Variants in HDAC9 observed in about 807,000 individuals in gnomAD.
HDAC9 encodes the protein MEF-2 interacting transcription repressor (MITR) protein.
In HDAC9, 41 loss-of-function variants were observed where a neutral mutation model predicts 139.4. That is an observed-to-expected ratio of 0.29 (90% CI 0.23 to 0.38). The LOEUF (loss-of-function observed/expected upper bound fraction) is 0.38. Among genes scored for constraint, HDAC9 ranks in the 10% least tolerant of loss-of-function variants. HDAC9 has a pLI of 1.00. For missense variants in HDAC9, 1,147 were observed against 1,297.0 expected (o/e 0.88, Z 1.78); for synonymous variants, 517 against 476.2 (o/e 1.09, Z -1.12).
At chr7:18,758,440 G>A (rs925443400) in intron 14 of HDAC9, among the ~76,000 whole-genome samples, 2 of 152,104 alleles carry the variant, frequency 1.3e-5, no homozygotes, top group African/African-American at 2.4e-5. Context: ...AGAAATGAAA[G>A]AATAAAGGGT....
At chr7:18,420,432 A>G (rs565470164) in intron 1 of HDAC9, among the ~76,000 whole-genome samples, 20 of 152,362 alleles carry the variant, frequency 1.3e-4, no homozygotes, top group African/African-American at 4.8e-4. Flanking sequence ...AGGCCCTGGT[A>G]TAATAATATA....
At chr7:18,889,936 C>G (rs1018740926) in intron 22 of HDAC9, among the ~76,000 whole-genome samples, 3 of 152,190 alleles carry the variant, frequency 2.0e-5, no homozygotes, top group Admixed American at 2.0e-4. Flanking sequence ...AACTCCTGTG[C>G]TCAAGTGAGC....
intron 1 of HDAC9, among the ~76,000 whole-genome samples, chr7:18,129,752 T>G (rs1430997415): frequency 6.6e-6 from 1 of 152,150 alleles, no homozygotes; most frequent in East Asian, 1.9e-4. Flanking sequence ...TGAATTGTGC[T>G]AGGCACAAAA....
chr7:18,668,409 A>G (rs1562833645), intron 12 of HDAC9: 1 of 933,878 alleles, frequency 1.1e-6, no homozygotes. Context: ...TTTTCTTCAA[A>G]GTCTTTTTTC....
chr7:18,253,359 C>T (rs1056374885), intron 2 of HDAC9, among the ~76,000 whole-genome samples: 4 of 7,830 alleles, frequency 5.1e-4, no homozygotes, highest in African/African-American at 3.1e-3. Context: ...AACTAATTTA[C>T]ACTCCTACCA....
At chr7:18,246,638 C>T (rs765790446) in intron 2 of HDAC9, among the ~76,000 whole-genome samples, 4 of 151,876 alleles carry the variant, frequency 2.6e-5, no homozygotes, top group Non-Finnish European at 4.4e-5. Context: ...AGGGGAGTTT[C>T]GTAGGGGAGA....
intron 2 of HDAC9, among the ~76,000 whole-genome samples, chr7:18,570,093 G>A (rs11981267): frequency 0.16 from 24,650 of 152,016 alleles, 2,048 homozygotes; most frequent in South Asian, 0.27. Flanking sequence ...ATCAAGTACC[G>A]AAGATGACTT....
intron 25 of HDAC9, among the ~76,000 whole-genome samples, chr7:18,993,764 C>G (rs113955554): frequency 2.6e-5 from 4 of 152,116 alleles, no homozygotes; most frequent in African/African-American, 7.2e-5. Context: ...GACTATGCCA[C>G]TGCACTCCAG....
chr7:18,575,549 G>C (rs563360762), intron 2 of HDAC9, among the ~76,000 whole-genome samples: 44 of 152,338 alleles, frequency 2.9e-4, no homozygotes, highest in African/African-American at 1.1e-3. Flanking sequence ...GTTGTCACGT[G>C]TCAGCACATT....
intron 1 of HDAC9, among the ~76,000 whole-genome samples, chr7:18,401,973 G>A (rs1251193898): frequency 2.0e-5 from 3 of 152,108 alleles, no homozygotes; most frequent in Non-Finnish European, 4.4e-5. Context: ...ACTGCTTTGT[G>A]GCACTTCTCA....
In HDAC9 at chr7:18,577,773, A is replaced by C. The variant is rs556654514; in HGVS notation, c.23-7508A>C. Reference sequence around the variant, plus strand: ...GGAAGGAAACTATGTGTTAAGAGACAGTGGTTTAGCCCCCCAAAAAGGTAG... The same window carrying C: ...GGAAGGAAACTATGTGTTAAGAGACCGTGGTTTAGCCCCCCAAAAAGGTAG... On this transcript the variant is annotated intron_variant, in intron 2 of 25. Coordinates refer to ENST00000686413, the MANE Select transcript of HDAC9 (RefSeq NM_178425.4). Among the ~76,000 whole-genome samples the C allele has an allele frequency of 2.6e-5, 4 of 152,342 alleles. No individual in the cohort carries two copies. The South Asian group carries it at 8.3e-4, about 32-fold the overall frequency.
At chr7:18,651,871 T>C (rs1789394038) in intron 11 of HDAC9, among the ~76,000 whole-genome samples, 1 of 152,126 alleles carries the variant, frequency 6.6e-6, no homozygotes, top group Admixed American at 6.6e-5. Flanking sequence ...TTGTATAGTA[T>C]TTATACTGTT....
rs1309145475 is a variant in HDAC9 at position 18,742,447 on chromosome 7, CAAT to C, written c.1910-6557_1910-6555del. Among the ~76,000 whole-genome samples the C allele has an allele frequency of 2.0e-5, 3 of 152,258 alleles. No individual in the cohort carries two copies. The East Asian group carries it at 5.8e-4, about 29-fold the overall frequency. On this transcript the variant is annotated intron_variant, in intron 13 of 25. Transcript: ENST00000686413. ...GGTATGTACATTGGTTTCTTTGACACAATGATTCCACACTTCATAGGTTACAGT... is the reference window on the plus strand; with the variant it reads ...GGTATGTACATTGGTTTCTTTGACACGATTCCACACTTCATAGGTTACAGT...
rs533879710 is a variant in HDAC9, at chr7:18,811,785, G to T, written c.2323-17376G>T. Among the ~76,000 whole-genome samples the T allele has an allele frequency of 1.9e-4, 29 of 151,584 alleles. 1 individual carries two copies. Among genetic ancestry groups the T allele is most frequent in the African/African-American group, 6.5e-4 (27 of 41,462 alleles). ...TTTAAATGTTGGTATATGTTTATAT[G>T]TGTTTGTGTTGTATGTTTGTGGGTG... On this transcript the variant is annotated intron_variant, in intron 17 of 25. Coordinates refer to ENST00000686413, the MANE Select transcript of HDAC9 (RefSeq NM_178425.4).
At chr7:18,754,708 G>C (rs186467419) in intron 14 of HDAC9, among the ~76,000 whole-genome samples, 301 of 152,210 alleles carry the variant, frequency 2.0e-3, no homozygotes, top group Non-Finnish European at 3.6e-3. Flanking sequence ...CCAAGCTACT[G>C]TTGTCCCTTC....
rs575876667 is a variant in HDAC9 at position 18,162,821 on chromosome 7, C to G, written c.25+472C>G. 3.7e-4 allele frequency among the ~76,000 whole-genome samples: 56 copies of G among 152,226 alleles called. 1 individual carries two copies. The highest frequency in any genetic ancestry group is 3.5e-3 in the Admixed American group (53 of 15,272). On this transcript the variant is annotated intron_variant, in intron 2 of 12. Coordinates refer to the HDAC9 transcript ENST00000417496. ...CCTTCTTTGCTGCCATTCCTGTTTC[C>G]TATATACATATTTAATTATAATCTC...
chr7:18,386,008 A>G lies in HDAC9; in HGVS notation c.-42+95493A>G, dbSNP rs921570918. ...CTCTTTGTTTCTGCAAAGATTTAGC[A>G]TTTAGTATTTAGATGATTATACTTA... is the stretch of plus-strand genomic sequence containing the variant. On this transcript the variant is annotated intron_variant, in intron 1 of 3. Coordinates refer to the HDAC9 transcript ENST00000413509. Among the ~76,000 whole-genome samples, 44 of 151,486 alleles carry G rather than the reference A, an allele frequency of 2.9e-4. 1 individual carries two copies. The highest frequency in any genetic ancestry group is 2.4e-3 in the Admixed American group (36 of 15,174).
intron 2 of HDAC9, among the ~76,000 whole-genome samples, chr7:18,180,581 G>C (rs574035416): frequency 6.6e-6 from 1 of 152,076 alleles, no homozygotes; most frequent in South Asian, 2.1e-4. Flanking sequence ...AGGTAGCAGA[G>C]TAAATTGGAA....
At chr7:18,523,985 C>A (rs539258063) in intron 2 of HDAC9, among the ~76,000 whole-genome samples, 11 of 143,906 alleles carry the variant, frequency 7.6e-5, no homozygotes, top group Non-Finnish European at 1.5e-4. Flanking sequence ...TGGTAGGTAA[C>A]ATTGATTGAC....
Sources: allele counts gnomAD v4.1 joint callset (sites outside exome capture counted in the v4.1 genomes callset), GRCh38; gene constraint gnomAD v4.1.1; transcripts MANE v1.5; gene names NCBI Gene and HGNC (gene_info 2026-07-23, HGNC 2026-07-21).